HHAT: variants seen among roughly 807,000 people sequenced by gnomAD.
HHAT encodes hedgehog acyltransferase.
A neutral mutation model predicts 70.8 loss-of-function variants in HHAT; 47 were observed. The ratio of observed to expected loss-of-function variants is 0.66; its 90% CI spans 0.53 to 0.85. The LOEUF (loss-of-function observed/expected upper bound fraction) is 0.85. Ranked by LOEUF, HHAT falls within the 40% of genes least tolerant of loss-of-function variation. The probability of loss-of-function intolerance (pLI) is 0.00; values close to 1 mark genes in which losing one functional copy is unlikely to be tolerated. For missense variants in HHAT, 609 were observed against 604.8 expected, an observed-to-expected ratio of 1.01 and a Z score of -0.07; for synonymous variants, 228 against 247.6, an observed-to-expected ratio of 0.92 and a Z score of 0.74.
At chr1:210,332,208 C>T (rs999820946) in intron 1 of HHAT, among the ~76,000 whole-genome samples, 6 of 152,226 alleles carry the variant, frequency 3.9e-5, no homozygotes, top group South Asian at 4.1e-4. Flanking sequence ...TCGTAGCAGT[C>T]GCTCTGCCCA....
chr1:210,343,064 G>A (rs2086176074), intron 1 of HHAT, among the ~76,000 whole-genome samples: 1 of 152,142 alleles, frequency 6.6e-6, no homozygotes, highest in South Asian at 2.1e-4. Flanking sequence ...TGTTTCTCAT[G>A]AAAGCAGGTT....
At chr1:210,535,715 T>A (rs2148647453) in intron 9 of HHAT, among the ~76,000 whole-genome samples, 1 of 152,304 alleles carries the variant, frequency 6.6e-6, no homozygotes, top group African/African-American at 2.4e-5. Flanking sequence ...TCTTGTGCTG[T>A]ATCTGCATAG....
intron 10 of HHAT, chr1:210,588,408 C>G (rs979767916): frequency 7.0e-6 from 2 of 285,232 alleles, no homozygotes; most frequent in African/African-American, 2.1e-5. Flanking sequence ...TAAATTTTTT[C>G]CATGTGTATA....
At chr1:210,538,038 G>A (rs138361797) in intron 9 of HHAT, among the ~76,000 whole-genome samples, 4 of 151,374 alleles carry the variant, frequency 2.6e-5, no homozygotes, top group South Asian at 2.1e-4. Flanking sequence ...TGTATTACAA[G>A]GCTTTTTTTT....
chr1:210,643,087 T>G (rs73065509), intron 11 of HHAT, among the ~76,000 whole-genome samples: 2,051 of 152,312 alleles, frequency 0.013, 51 homozygotes, highest in African/African-American at 0.045. Context: ...CCCAGCAACA[T>G]TCATTGAAAA....
intron 5 of HHAT, 88 bp from the exon 6 acceptor site, chr1:210,404,376 G>C (rs974118467): frequency 1.7e-5 from 16 of 963,522 alleles, no homozygotes; most frequent in Non-Finnish European, 2.4e-5. Flanking sequence ...CTCAGATGAC[G>C]GTGGCCCTGC....
intron 8 of HHAT, among the ~76,000 whole-genome samples, chr1:210,506,004 C>T (rs2094846891): frequency 6.6e-6 from 1 of 152,168 alleles, no homozygotes. Flanking sequence ...CTGGAACTGG[C>T]CATGGGTTCT....
intron 7 of HHAT, among the ~76,000 whole-genome samples, chr1:210,435,860 T>A (rs138538589): frequency 4.6e-5 from 7 of 152,026 alleles, no homozygotes; most frequent in African/African-American, 1.2e-4. Flanking sequence ...TATATTCTGG[T>A]TATTAATCTT....
chr1:210,523,780 C>T (rs768142369), intron 9 of HHAT, among the ~76,000 whole-genome samples: 1 of 151,952 alleles, frequency 6.6e-6, no homozygotes, highest in Non-Finnish European at 1.5e-5. Context: ...ACTTAGTAAC[C>T]GTCTAATTTT....
chr1:210,486,056 C>T (rs570210780), intron 8 of HHAT, among the ~76,000 whole-genome samples: 23 of 152,230 alleles, frequency 1.5e-4, no homozygotes, highest in Non-Finnish European at 2.1e-4. Context: ...AGGAATTATA[C>T]GTGCTTGAAT....
At chr1:210,558,206 T>G (rs903005579) in intron 9 of HHAT, among the ~76,000 whole-genome samples, 1 of 152,022 alleles carries the variant, frequency 6.6e-6, no homozygotes, top group Non-Finnish European at 1.5e-5. Flanking sequence ...CAGCAATTGG[T>G]GGGTGGATAA....
intron 10 of HHAT, among the ~76,000 whole-genome samples, chr1:210,617,565 A>G (rs975055036): frequency 2.6e-5 from 4 of 152,218 alleles, no homozygotes; most frequent in African/African-American, 9.6e-5. Context: ...AGGCACCCCA[A>G]ACATGGCTTA....
intron 9 of HHAT, among the ~76,000 whole-genome samples, chr1:210,530,858 A>G (rs1254407773): frequency 6.6e-6 from 1 of 152,162 alleles, no homozygotes; most frequent in Non-Finnish European, 1.5e-5. Context: ...TCAGATGCTC[A>G]AAGTATTGAC....
At chr1:210,333,373 A>G (rs760901554) in intron 1 of HHAT, among the ~76,000 whole-genome samples, 2 of 152,164 alleles carry the variant, frequency 1.3e-5, no homozygotes, top group Non-Finnish European at 2.9e-5. Context: ...GCAGTGAGCT[A>G]TGATCAGGCC....
intron 8 of HHAT, among the ~76,000 whole-genome samples, chr1:210,498,234 A>G (rs2094688330): frequency 6.6e-6 from 1 of 152,218 alleles, no homozygotes; most frequent in African/African-American, 2.4e-5. Flanking sequence ...TTGGGGTACA[A>G]TATGCAAATG....
At chr1:210,407,820 C>T (rs980673131) in intron 6 of HHAT, among the ~76,000 whole-genome samples, 2 of 152,136 alleles carry the variant, frequency 1.3e-5, no homozygotes, top group African/African-American at 4.8e-5. Flanking sequence ...GGGGCCACTA[C>T]GTCTTGAAGA....
At chr1:210,555,753 G>C (rs1207896577) in intron 9 of HHAT, among the ~76,000 whole-genome samples, 2 of 152,104 alleles carry the variant, frequency 1.3e-5, no homozygotes, top group Non-Finnish European at 2.9e-5. Flanking sequence ...GACAGAAATG[G>C]TGCCCATCAA....
chr1:210,582,385 G>A (rs1255719357), intron 9 of HHAT, among the ~76,000 whole-genome samples: 3 of 152,092 alleles, frequency 2.0e-5, no homozygotes. Flanking sequence ...AGCCCACCTC[G>A]GCTCAGTGCA....
At chr1:210,582,877 A>G (rs1241791455) in intron 9 of HHAT, among the ~76,000 whole-genome samples, 1 of 152,226 alleles carries the variant, frequency 6.6e-6, no homozygotes, top group Admixed American at 6.5e-5. Context: ...ATTGGCTTAA[A>G]TCCCTTTGTA....
Sources: gnomAD v4.1 joint callset for allele counts (sites outside exome capture counted in the v4.1 genomes callset) on GRCh38, gnomAD v4.1.1 for gene constraint, MANE v1.5 for transcripts, NCBI Gene and HGNC (gene_info 2026-07-23, HGNC 2026-07-21) for gene names.